OR10W1: variants seen among roughly 807,000 people sequenced by gnomAD.
The protein encoded by OR10W1 is olfactory receptor 10W1.
For synonymous variants in OR10W1, 152 were observed against 151.6 expected, an observed-to-expected ratio of 1.00 and a Z score of -0.02; for missense variants, 406 against 365.8, an observed-to-expected ratio of 1.11 and a Z score of -0.90.
At position 58,268,097 on chromosome 11, in the gene OR10W1, T is replaced by G. The variant is rs1170364311; in HGVS notation, c.-239A>C. ...CACCTCAATTTCTACCTGCCAAGAG[T>G]TGGGCCAAACTATGTAAGATACTAT... On this transcript the variant is annotated 5_prime_UTR_variant, in exon 1 of 1. Coordinates refer to ENST00000395079, the MANE Select transcript of OR10W1 (RefSeq NM_207374.3). 2.0e-6 allele frequency: 1 copy of G among 510,264 alleles called. No homozygotes were observed. Among genetic ancestry groups the G allele is most frequent in the Non-Finnish European group, 3.6e-6 (1 of 276,768 alleles). The allele number at this position is 510,264 out of a possible 1,614,324, so 31.6% of individuals were successfully genotyped here. A position where few individuals can be genotyped will look rare whatever the true frequency, so the allele number is the denominator to read the frequency against.
chr11:58,267,328 A>C lies in OR10W1; in HGVS notation c.531T>G (p.His177Gln). Residue 177 changes from histidine (H) to glutamine (Q), a missense_variant, in exon 1 of 1, where the codon CAT becomes CAG. His to Gln is a conservative substitution (Grantham distance 24). Transcript: ENST00000395079. The part of the protein sequence containing the change: ...HFFCDVPPVM[H>Q]VVCAQSHIHE... Reference sequence around the variant, plus strand: ...GAATGTGACTCTGAGCACAAACAACATGCATGACTGGTGGCACATCACAAA... The same window carrying C: ...GAATGTGACTCTGAGCACAAACAACCTGCATGACTGGTGGCACATCACAAA... 6.2e-7 allele frequency: 1 copy of C among 1,614,090 alleles called. No homozygotes were observed. The highest frequency in any genetic ancestry group is 8.5e-7 in the Non-Finnish European group (1 of 1,180,000).
Position 58,268,151 on chromosome 11 carries a change from G to A in OR10W1, c.-293C>T. The A allele has an allele frequency of 1.5e-5, 5 of 330,568 alleles. No individual in the cohort carries two copies. Among genetic ancestry groups the A allele is most frequent in the East Asian group, 5.2e-5 (1 of 19,188 alleles). 20.5% of individuals were successfully genotyped at this position (330,568 alleles called of 1,614,324 possible). A position where few individuals can be genotyped will look rare whatever the true frequency, so the allele number is the denominator to read the frequency against. On this transcript the variant is annotated 5_prime_UTR_variant, in exon 1 of 1. Coordinates refer to ENST00000395079, the MANE Select transcript of OR10W1 (RefSeq NM_207374.3). ...AGAAAAATGGCAGAGGAAGTGGGTG[G>A]GATTCAGGAGCTATTTTCAGAAAGA...
Position 58,267,674 on chromosome 11 carries a change from A to G in OR10W1, c.185T>C (p.Ile62Thr). Residue 62 changes from isoleucine (I) to threonine (T), a missense_variant, in exon 1 of 1, where the codon ATA becomes ACA. Physicochemically the swap from Ile to Thr is moderately conservative, Grantham distance 89 (BLOSUM62 -1). Coordinates refer to ENST00000395079, the MANE Select transcript of OR10W1 (RefSeq NM_207374.3). ...YFLGSLSGIEICYTAVVVPHI... is the reference protein window; with the variant it reads ...YFLGSLSGIETCYTAVVVPHI... ...GGGCACCACCACTGCAGTGTAGCAT[A>G]TTTCAATCCCAGAAAGGCTGCCCAG... The G allele has an allele frequency of 1.9e-6, 3 of 1,614,158 alleles. No individual in the cohort carries two copies. The highest frequency in any genetic ancestry group is 2.5e-6 in the Non-Finnish European group (3 of 1,180,018).
Position 58,268,095 on chromosome 11 carries a change from A to T in OR10W1, c.-237T>A. 5.9e-6 allele frequency: 3 copies of T among 511,628 alleles called. No homozygotes were observed. In the South Asian group the frequency reaches 9.6e-5, roughly 16 times the overall value. 31.7% of individuals were successfully genotyped at this position (511,628 alleles called of 1,614,324 possible). On this transcript the variant is annotated 5_prime_UTR_variant, in exon 1 of 1. Coordinates refer to ENST00000395079, the MANE Select transcript of OR10W1 (RefSeq NM_207374.3). ...TACACCTCAATTTCTACCTGCCAAG[A>T]GTTGGGCCAAACTATGTAAGATACT...
chr11:58,267,560 C>G lies in OR10W1; in HGVS notation c.299G>C (p.Ser100Thr). ...GGCAGCCAAGAGGAAGCAATCAGCA[C>G]TGCCCAGTGCAATGAAGAAAGCCAT... is the stretch of plus-strand genomic sequence containing the variant. ...TQMAFFIALG[S>T]ADCFLLAAMA... The change falls in exon 1 of 1, where the codon AGT (serine) becomes ACT (threonine). Residue 100 changes from serine (S) to threonine (T), a missense_variant. Coordinates refer to ENST00000395079, the MANE Select transcript of OR10W1 (RefSeq NM_207374.3). 2 of 1,614,174 alleles carry G rather than the reference C, an allele frequency of 1.2e-6. No individual in the cohort carries two copies. The highest frequency in any genetic ancestry group is 2.7e-5 in the African/African-American group (2 of 75,058).
At position 58,267,617 on chromosome 11, in the gene OR10W1, T is replaced by G; in HGVS notation, c.242A>C (p.Lys81Thr). The change falls in exon 1 of 1, where the codon AAG (lysine) becomes ACG (threonine). Residue 81 changes from lysine (K) to threonine (T), a missense_variant. Coordinates refer to ENST00000395079, the MANE Select transcript of OR10W1 (RefSeq NM_207374.3). ...HILANTLQSE[K>T]TITLLGCATQ... ...GGCACAGCCCAGGAGAGTGATGGTC[T>G]TCTCTGACTGTAGGGTGTTGGCCAG... 1 of 1,614,146 alleles carries G rather than the reference T, an allele frequency of 6.2e-7. No homozygotes were observed. Among genetic ancestry groups the G allele is most frequent in the Non-Finnish European group, 8.5e-7 (1 of 1,180,034 alleles).
At position 58,267,906 on chromosome 11, in the gene OR10W1, G is replaced by A. The variant is rs7936538; in HGVS notation, c.-48C>T. 5.1e-3 allele frequency: 6,912 copies of A among 1,347,244 alleles called. 245 individuals are homozygous for A. The African/African-American group carries it at 0.083, about 16-fold the overall frequency. 83.5% of individuals were successfully genotyped at this position (1,347,244 alleles called of 1,614,324 possible). Reference sequence around the variant, plus strand: ...GTAATTGAGCTAACAGTATTTCTCTGTGGAGAGCTACAAGTACAGAAGGAA... The same window carrying A: ...GTAATTGAGCTAACAGTATTTCTCTATGGAGAGCTACAAGTACAGAAGGAA... On this transcript the variant is annotated 5_prime_UTR_variant, in exon 1 of 1. Coordinates refer to ENST00000395079, the MANE Select transcript of OR10W1 (RefSeq NM_207374.3).
rs1177518094 is a variant in OR10W1 at position 58,267,129 on chromosome 11, C to CAT, written c.728_729dup (p.Gly244MetfsTer41). 1.7e-5 allele frequency: 28 copies of CAT among 1,613,974 alleles called. No individual in the cohort carries two copies. The highest frequency in any genetic ancestry group is 2.4e-5 in the Non-Finnish European group (28 of 1,179,990). On this transcript the variant is annotated frameshift_variant, in exon 1 of 1. Transcript: ENST00000395079. LOFTEE classifies it low-confidence loss of function (END_TRUNC). ...CACAGGTACATGAAGGCACAGCAGC[C>CAT]ATACTGCAGCAGCACCACAGTGAGG...
Position 58,268,059 on chromosome 11 carries a change from A to G in OR10W1, c.-201T>C, listed in dbSNP as rs559049576. On this transcript the variant is annotated 5_prime_UTR_variant, in exon 1 of 1. Coordinates refer to ENST00000395079, the MANE Select transcript of OR10W1 (RefSeq NM_207374.3). The stretch of plus-strand genomic sequence containing the variant: ...TTCTCCACTTTTACCAAGTTTCTCC[A>G]CATTAATATCTACACCTCAATTTCT... 8 of 574,276 alleles carry G rather than the reference A, an allele frequency of 1.4e-5. 1 individual carries two copies. The highest frequency in any genetic ancestry group is 8.6e-5 in the East Asian group (3 of 34,868). The allele number at this position is 574,276 out of a possible 1,614,324, so 35.6% of individuals were successfully genotyped here.
At position 58,267,434 on chromosome 11, in the gene OR10W1, C is replaced by T. The variant is rs867453891; in HGVS notation, c.425G>A (p.Ser142Asn). The change falls in exon 1 of 1, where the codon AGT becomes AAT. Residue 142 changes from serine to asparagine, a missense_variant. Transcript: ENST00000395079. ...CAGTTGTAAGGACAGGAACAGACCA[C>T]TGATGACTGATGCCACAACCAAGTG... ...CVHLVVASVI[S>N]GLFLSLQLVA... The T allele has an allele frequency of 6.2e-7, 1 of 1,613,824 alleles. No homozygotes were observed. The highest frequency in any genetic ancestry group is 1.3e-5 in the African/African-American group (1 of 75,064).
chr11:58,267,466 A>G lies in OR10W1; in HGVS notation c.393T>C (p.Leu131=), dbSNP rs755585222. 16 of 1,613,926 alleles carry G rather than the reference A, an allele frequency of 9.9e-6. No individual in the cohort carries two copies. The African/African-American group carries it at 1.9e-4, about 19-fold the overall frequency. Residue 131 remains leucine, a synonymous_variant, in exon 1 of 1, where the codon CTT becomes CTC. Coordinates refer to ENST00000395079, the MANE Select transcript of OR10W1 (RefSeq NM_207374.3). ...LQYPLLMTLT[L]CVHLVVASVI... ...CTGATGCCACAACCAAGTGGACACAAAGAGTCAATGTCATGAGGAGAGGGT... is the reference window on the plus strand; with the variant it reads ...CTGATGCCACAACCAAGTGGACACAGAGAGTCAATGTCATGAGGAGAGGGT...
rs144359620 is a variant in OR10W1 at position 58,267,643 on chromosome 11, G to A, written c.216C>T (p.Ile72=). Residue 72 remains isoleucine, a synonymous_variant, in exon 1 of 1, where the codon ATC becomes ATT. Coordinates refer to ENST00000395079, the MANE Select transcript of OR10W1 (RefSeq NM_207374.3). ...TCTCTGACTGTAGGGTGTTGGCCAG[G>A]ATATGGGGCACCACCACTGCAGTGT... ...ICYTAVVVPH[I]LANTLQSEKT... is the part of the protein sequence containing the mutation. The A allele has an allele frequency of 7.4e-6, 12 of 1,614,122 alleles. No homozygotes were observed. In the South Asian group the frequency reaches 1.3e-4, roughly 18 times the overall value.
chr11:58,266,840 T>C lies in OR10W1; in HGVS notation c.*101A>G. On this transcript the variant is annotated 3_prime_UTR_variant, in exon 1 of 1. Coordinates refer to ENST00000395079, the MANE Select transcript of OR10W1 (RefSeq NM_207374.3). ...AGTATCCATATAATTTATACCATCT[T>C]TTAGATGAGTTTTAACACCAAATGA... 1 of 899,756 alleles carries C rather than the reference T, an allele frequency of 1.1e-6. No homozygotes were observed. Among genetic ancestry groups the C allele is most frequent in the Non-Finnish European group, 1.7e-6 (1 of 587,050 alleles). 55.7% of individuals were successfully genotyped at this position (899,756 alleles called of 1,614,324 possible). A position where few individuals can be genotyped will look rare whatever the true frequency, so the allele number is the denominator to read the frequency against.
In OR10W1 at chr11:58,267,263, G is replaced by T. The variant is rs749730574; in HGVS notation, c.596C>A (p.Ala199Asp). 6.2e-7 allele frequency: 1 copy of T among 1,614,152 alleles called. No homozygotes were observed. The highest frequency in any genetic ancestry group is 8.5e-7 in the Non-Finnish European group (1 of 1,180,016). ...GGTGGTGATGAGGAAGAAAGGCACA[G>T]CAATGGCTAGTATGGCTGCCACCAG... is the stretch of plus-strand genomic sequence containing the variant. The part of the protein sequence containing the change: ...SVLVAAILAI[A>D]VPFFLITTSY... The change falls in exon 1 of 1, where the codon GCT becomes GAT. Residue 199 changes from alanine to aspartate, a missense_variant. Coordinates refer to ENST00000395079, the MANE Select transcript of OR10W1 (RefSeq NM_207374.3).
rs779160108 is a variant in OR10W1 at position 58,267,799 on chromosome 11, A to C, written c.60T>G (p.Leu20=). The C allele has an allele frequency of 6.2e-7, 1 of 1,614,168 alleles. No individual in the cohort carries two copies. Among genetic ancestry groups the C allele is most frequent in the Admixed American group, 1.7e-5 (1 of 60,016 alleles). The change falls in exon 1 of 1, where the codon CTT becomes CTG. Residue 20 remains leucine (L), a synonymous_variant. Coordinates refer to ENST00000395079, the MANE Select transcript of OR10W1 (RefSeq NM_207374.3). ...SCPELHILSF[L]GVSLVYGLII... ...TCAAACCATAAACCAGGCTGACCCC[A>C]AGGAAGGACAGAATATGCAGTTCTG...
In OR10W1 at chr11:58,267,196, C is replaced by A. The variant is rs141451642; in HGVS notation, c.663G>T (p.Ser221=). 6.2e-7 allele frequency: 1 copy of A among 1,614,068 alleles called. No individual in the cohort carries two copies. The highest frequency in any genetic ancestry group is 8.5e-7 in the Non-Finnish European group (1 of 1,180,004). Residue 221 remains serine (S), a synonymous_variant, in exon 1 of 1, where the codon TCG becomes TCT. Transcript: ENST00000395079. The part of the protein sequence containing the change: ...FIVAALLKIH[S]AAGRHRAFST... ...AGAAGGCCCGGTGGCGGCCAGCAGCCGAGTGGATCTTGAGCAGAGCAGCCA... is the reference window on the plus strand; with the variant it reads ...AGAAGGCCCGGTGGCGGCCAGCAGCAGAGTGGATCTTGAGCAGAGCAGCCA...
At position 58,267,548 on chromosome 11, in the gene OR10W1, A is replaced by G; in HGVS notation, c.311T>C (p.Phe104Ser). The change falls in exon 1 of 1, where the codon TTC becomes TCC. Residue 104 changes from phenylalanine (F) to serine (S), a missense_variant. By Grantham distance (155) the Phe-to-Ser change is radical. Coordinates refer to ENST00000395079, the MANE Select transcript of OR10W1 (RefSeq NM_207374.3). ...GTCATAGGCCATGGCAGCCAAGAGG[A>G]AGCAATCAGCACTGCCCAGTGCAAT... ...FFIALGSADC[F>S]LLAAMAYDRY... 1.2e-6 allele frequency: 2 copies of G among 1,614,124 alleles called. No homozygotes were observed. The highest frequency in any genetic ancestry group is 1.7e-6 in the Non-Finnish European group (2 of 1,180,004).
rs1263862350 is a variant in OR10W1, at chr11:58,267,445, T to C, written c.414A>G (p.Ala138=). 3 of 1,613,908 alleles carry C rather than the reference T, an allele frequency of 1.9e-6. No homozygotes were observed. In the Admixed American group the frequency reaches 5.0e-5, roughly 27 times the overall value. ...TLTLCVHLVV[A]SVISGLFLSL... ...ACAGGAACAGACCACTGATGACTGA[T>C]GCCACAACCAAGTGGACACAAAGAG... The change falls in exon 1 of 1, where the codon GCA becomes GCG. Residue 138 remains alanine (A), a synonymous_variant. Transcript: ENST00000395079.
rs1853551537 is a variant in OR10W1 at position 58,267,108 on chromosome 11, G to C, written c.751C>G (p.Leu251Val). ...LQYGCCAFMYLCPSSSYNPKQ... is the reference protein window; with the variant it reads ...LQYGCCAFMYVCPSSSYNPKQ... The stretch of plus-strand genomic sequence containing the variant: ...GGGTTGTAGCTGGAGCTGGGGCACA[G>C]GTACATGAAGGCACAGCAGCCATAC... The change falls in exon 1 of 1, where the codon CTG becomes GTG. Residue 251 changes from leucine (L) to valine (V), a missense_variant. Coordinates refer to ENST00000395079, the MANE Select transcript of OR10W1 (RefSeq NM_207374.3). 6.2e-7 allele frequency: 1 copy of C among 1,614,150 alleles called. No homozygotes were observed. The highest frequency in any genetic ancestry group is 8.5e-7 in the Non-Finnish European group (1 of 1,180,006).
Sources: allele counts gnomAD v4.1 joint callset, GRCh38; gene constraint gnomAD v4.1.1; transcripts MANE v1.5; gene names NCBI Gene and HGNC (gene_info 2026-07-23, HGNC 2026-07-21).